The following HLF variants were observed in gnomAD, a reference collection of about 807,000 sequenced individuals.
HLF encodes the protein HLF transcription factor, PAR bZIP family member.
In HLF, 3 loss-of-function variants were observed where a neutral mutation model predicts 22.6. That is an observed-to-expected ratio of 0.13 (90% CI 0.06 to 0.34). HLF has a LOEUF of 0.34. Among genes scored for constraint, HLF ranks in the 10% least tolerant of loss-of-function variants. HLF has a pLI of 1.00. For synonymous variants in HLF, 151 were observed against 151.8 expected (o/e 0.99, Z 0.04); for missense variants, 299 against 389.2 (o/e 0.77, Z 1.95).
At chr17:55,279,738 A>C (rs997249516) in intron 2 of HLF, among the ~76,000 whole-genome samples, 3 of 152,230 alleles carry the variant, frequency 2.0e-5, no homozygotes, top group Admixed American at 6.5e-5. Context: ...GTATTAGTGA[A>C]TAGCAAAAGA....
intron 2 of HLF, among the ~76,000 whole-genome samples, chr17:55,300,748 T>A (rs547126229): frequency 6.6e-6 from 1 of 152,338 alleles, no homozygotes; most frequent in South Asian, 2.1e-4. Flanking sequence ...GTAGGTGAGC[T>A]CTTACCATTC....
At chr17:55,265,920 C>T in intron 1 of HLF, 1 of 1,021,628 alleles carries the variant, frequency 9.8e-7, no homozygotes, top group African/African-American at 1.7e-5. Flanking sequence ...GGCACACCCG[C>T]ACGCAGAGCG....
intron 1 of HLF, chr17:55,266,308 C>G (rs1180698140): frequency 6.6e-6 from 1 of 152,206 alleles, no homozygotes; most frequent in East Asian, 1.9e-4. Flanking sequence ...GGCTTGAGCC[C>G]TTTCTTGGTA....
intron 2 of HLF, among the ~76,000 whole-genome samples, chr17:55,281,445 G>A (rs1212458450): frequency 4.6e-5 from 7 of 152,148 alleles, no homozygotes; most frequent in African/African-American, 1.7e-4. Context: ...CCCGGGAGGC[G>A]GAGATTGCAG....
chr17:55,300,535 A>T (rs1312933330), intron 2 of HLF, among the ~76,000 whole-genome samples: 1 of 152,202 alleles, frequency 6.6e-6, no homozygotes, highest in Non-Finnish European at 1.5e-5. Context: ...ACAATGAGAC[A>T]TTTTATTTTC....
intron 2 of HLF, among the ~76,000 whole-genome samples, chr17:55,287,364 A>T (rs1455474230): frequency 6.6e-6 from 1 of 151,254 alleles, no homozygotes; most frequent in Non-Finnish European, 1.5e-5. Context: ...TACAGCCAGT[A>T]TCAAGGGTCA....
intron 2 of HLF, among the ~76,000 whole-genome samples, chr17:55,296,120 A>G (rs1481984148): frequency 6.6e-6 from 1 of 152,070 alleles, no homozygotes; most frequent in East Asian, 1.9e-4. Context: ...CCGGAGCACC[A>G]CCTTCTGGGG....
chr17:55,319,620 G>A (rs1905193404), intron 3 of HLF, among the ~76,000 whole-genome samples: 1 of 152,124 alleles, frequency 6.6e-6, no homozygotes, highest in Admixed American at 6.5e-5. Flanking sequence ...ATATTACTCA[G>A]GCTAATTAAG....
chr17:55,302,468 C>T (rs1041424315), intron 2 of HLF, among the ~76,000 whole-genome samples: 8 of 152,110 alleles, frequency 5.3e-5, no homozygotes, highest in African/African-American at 1.9e-4. Flanking sequence ...TTAAAACAAC[C>T]TTGTTATTCT....
chr17:55,299,939 C>G (rs1364832758), intron 2 of HLF, among the ~76,000 whole-genome samples: 1 of 152,060 alleles, frequency 6.6e-6, no homozygotes. Context: ...CTCAAGCGAT[C>G]CTCCCACCTC....
chr17:55,316,973 T>TG (rs199917827), intron 3 of HLF, among the ~76,000 whole-genome samples: 2 of 137,136 alleles, frequency 1.5e-5, no homozygotes, highest in Non-Finnish European at 3.1e-5. Flanking sequence ...GTGTTTTTTT[T>TG]TTTTTTTTTT....
At position 55,268,319 on chromosome 17, in the gene HLF, A is replaced by G. The variant is rs1191367123; in HGVS notation, c.451+233A>G. Among the ~76,000 whole-genome samples the G allele has an allele frequency of 2.6e-5, 4 of 152,084 alleles. No homozygotes were observed. The East Asian group carries it at 7.7e-4, about 29-fold the overall frequency. Reference sequence around the variant, plus strand: ...TTTGTATCTACCCCTAGAAATTCTGATTTTGCAAGTCTGGAATGAGGGCCC... The same window carrying G: ...TTTGTATCTACCCCTAGAAATTCTGGTTTTGCAAGTCTGGAATGAGGGCCC... On this transcript the variant is annotated intron_variant, in intron 2 of 3. Transcript: ENST00000226067.
At chr17:55,307,637 T>G (rs1904642367) in intron 2 of HLF, among the ~76,000 whole-genome samples, 1 of 152,156 alleles carries the variant, frequency 6.6e-6, no homozygotes, top group Admixed American at 6.5e-5. Context: ...AAGTCCCTGT[T>G]AGGATCTGGG....
At position 55,322,801 on chromosome 17, in the gene HLF, C is replaced by A. The variant is rs1023972567; in HGVS notation, c.*1922C>A. 1 of 227,752 alleles carries A rather than the reference C, an allele frequency of 4.4e-6. No individual in the cohort carries two copies. Among genetic ancestry groups the A allele is most frequent in the Non-Finnish European group, 8.7e-6 (1 of 114,366 alleles). The allele number at this position is 227,752 out of a possible 1,614,324, so 14.1% of individuals were successfully genotyped here. On this transcript the variant is annotated 3_prime_UTR_variant, in exon 4 of 4. Coordinates refer to ENST00000226067, the MANE Select transcript of HLF (RefSeq NM_002126.5). ...TGCCAGTGCCCCAGACAGTTCTTTTCTACCCTGCGGGCCCGCACGTTTTAT... is the reference window on the plus strand; with the variant it reads ...TGCCAGTGCCCCAGACAGTTCTTTTATACCCTGCGGGCCCGCACGTTTTAT...
chr17:55,320,936 T>A lies in HLF; in HGVS notation c.*57T>A. 1 of 1,402,346 alleles carries A rather than the reference T, an allele frequency of 7.1e-7. No homozygotes were observed. The highest frequency in any genetic ancestry group is 9.9e-7 in the Non-Finnish European group (1 of 1,009,784). The allele number at this position is 1,402,346 out of a possible 1,614,324, so 86.9% of individuals were successfully genotyped here. A position where few individuals can be genotyped will look rare whatever the true frequency, so the allele number is the denominator to read the frequency against. ...GATGGACAGTTTGTTTCCTGTCTGA[T>A]AGCACCACACGCAAACCAACCTTTC... On this transcript the variant is annotated 3_prime_UTR_variant, in exon 4 of 4. Transcript: ENST00000226067. The surrounding 1 kb of genome is among the most constrained non-coding windows in gnomAD (Gnocchi z 4.2).
chr17:55,309,337 C>G (rs1369747838), intron 2 of HLF, among the ~76,000 whole-genome samples: 4 of 152,204 alleles, frequency 2.6e-5, no homozygotes, highest in Non-Finnish European at 5.9e-5. Flanking sequence ...CGTGAGCACT[C>G]TTCGTTGACC....
Position 55,321,014 on chromosome 17 carries a change from T to C in HLF, c.*135T>C, listed in dbSNP as rs1905244508. On this transcript the variant is annotated 3_prime_UTR_variant, in exon 4 of 4. Coordinates refer to ENST00000226067, the MANE Select transcript of HLF (RefSeq NM_002126.5). ...AACACAACTGACTCCCATTTTGGTGTGCATCTGTGTGTGTGTGCGTGTATA... is the reference window on the plus strand; with the variant it reads ...AACACAACTGACTCCCATTTTGGTGCGCATCTGTGTGTGTGTGCGTGTATA... 1 of 679,046 alleles carries C rather than the reference T, an allele frequency of 1.5e-6. No homozygotes were observed. The highest frequency in any genetic ancestry group is 1.8e-5 in the African/African-American group (1 of 55,466). 42.1% of individuals were successfully genotyped at this position (679,046 alleles called of 1,614,324 possible).
At chr17:55,297,679 C>T (rs922297846) in intron 2 of HLF, among the ~76,000 whole-genome samples, 1 of 151,582 alleles carries the variant, frequency 6.6e-6, no homozygotes, top group Admixed American at 6.6e-5. Flanking sequence ...GAGTCACCTA[C>T]CCTCACCCCT....
intron 2 of HLF, among the ~76,000 whole-genome samples, chr17:55,284,277 CTG>C (rs895166036): frequency 3.7e-4 from 56 of 152,308 alleles, no homozygotes; most frequent in African/African-American, 1.3e-3. Flanking sequence ...ATCCAGGTAA[CTG>C]TGTGACAAGG....
Sources: allele counts gnomAD v4.1 joint callset (sites outside exome capture counted in the v4.1 genomes callset), GRCh38; gene constraint gnomAD v4.1.1; non-coding constraint Gnocchi (gnomAD v3.1); transcripts MANE v1.5; gene names NCBI Gene and HGNC (gene_info 2026-07-23, HGNC 2026-07-21).